The following CPS1 variants were observed in gnomAD, a reference collection of about 807,000 sequenced individuals.
The protein encoded by CPS1 is carbamoyl-phosphate synthase 1.
In CPS1, 109 loss-of-function variants were observed where a neutral mutation model predicts 174.6. That is an observed-to-expected ratio of 0.62 (90% confidence interval 0.53 to 0.73). The LOEUF (loss-of-function observed/expected upper bound fraction) is 0.73, where lower values mean the gene tolerates loss of function less well. Ranked by LOEUF, CPS1 falls within the 30% of genes least tolerant of loss-of-function variation. The probability of loss-of-function intolerance (pLI) is 0.00; values close to 1 mark genes in which losing one functional copy is unlikely to be tolerated. For missense variants in CPS1, 1,689 were observed against 1,821.9 expected (o/e 0.93, Z 1.33); for synonymous variants, 637 against 632.0 (o/e 1.01, Z -0.12).
chr2:210,585,185 T>C (rs7593211), intron 6 of CPS1, among the ~76,000 whole-genome samples: 94,056 of 151,814 alleles, frequency 0.62, 29,978 homozygotes, highest in African/African-American at 0.77. Flanking sequence ...CAGCACTGCC[T>C]ATAGTACCTT....
intron 34 of CPS1, among the ~76,000 whole-genome samples, chr2:210,670,867 A>G (rs1701277915): frequency 6.6e-6 from 1 of 152,230 alleles, no homozygotes; most frequent in South Asian, 2.1e-4. Context: ...TATTCATAAC[A>G]TCAATCTTAT....
chr2:210,664,026 C>A lies in CPS1; in HGVS notation c.4002+829C>A, dbSNP rs866139659. The stretch of plus-strand genomic sequence containing the variant: ...TTTTATATGGTTGCCTGGTTACAAG[C>A]AAGATCTGTGATGAGAAGCCAAGTG... On this transcript the variant is annotated intron_variant, in intron 33 of 37. Coordinates refer to ENST00000233072, the MANE Select transcript of CPS1 (RefSeq NM_001875.5). Among the ~76,000 whole-genome samples the A allele has an allele frequency of 2.6e-5, 4 of 152,146 alleles. No homozygotes were observed. In the South Asian group the frequency reaches 6.2e-4, roughly 24 times the overall value.
intron 1 of CPS1, among the ~76,000 whole-genome samples, chr2:210,562,149 T>A (rs1195225149): frequency 1.3e-5 from 2 of 152,214 alleles, no homozygotes; most frequent in Non-Finnish European, 2.9e-5. Context: ...ATAAATGCTG[T>A]ATTTTATTTA....
chr2:210,555,891 A>T (rs1696898741), upstream of CPS1, among the ~76,000 whole-genome samples: 2 of 152,024 alleles, frequency 1.3e-5, no homozygotes, highest in African/African-American at 2.4e-5. Context: ...TTTAATAACT[A>T]AAAAAACTTG....
At chr2:210,527,663 G>A (rs531416155) in intron 1 of CPS1, among the ~76,000 whole-genome samples, 1 of 151,712 alleles carries the variant, frequency 6.6e-6, no homozygotes, top group South Asian at 2.1e-4. Context: ...ATGTTTACTA[G>A]CATAATATTA....
intron 1 of CPS1, among the ~76,000 whole-genome samples, chr2:210,481,292 C>T (rs1309254391): frequency 1.3e-5 from 2 of 152,196 alleles, no homozygotes; most frequent in Non-Finnish European, 2.9e-5. Flanking sequence ...AGGAGACTTC[C>T]CCCTTTGCTG....
intron 34 of CPS1, among the ~76,000 whole-genome samples, chr2:210,668,819 A>G (rs1701193355): frequency 6.6e-6 from 1 of 152,110 alleles, no homozygotes; most frequent in South Asian, 2.1e-4. Flanking sequence ...CCACTTGAAT[A>G]TCTCAAATCC....
chr2:210,672,448 TAAC>T (rs1229179890), intron 34 of CPS1: 5 of 152,162 alleles, frequency 3.3e-5, no homozygotes, highest in Admixed American at 2.0e-4. Flanking sequence ...TAGGGGTATT[TAAC>T]AACATTTGGA....
intron 1 of CPS1, among the ~76,000 whole-genome samples, chr2:210,572,734 G>C (rs192059598): frequency 1.3e-5 from 2 of 152,154 alleles, no homozygotes; most frequent in Non-Finnish European, 2.9e-5. Flanking sequence ...AGCATTAAGA[G>C]AGTGATAAAG....
upstream of CPS1, among the ~76,000 whole-genome samples, chr2:210,554,737 A>G (rs1319989957): frequency 6.6e-6 from 1 of 151,824 alleles, no homozygotes; most frequent in African/African-American, 2.4e-5. Flanking sequence ...CTAAAACTTA[A>G]AGTATAATAA....
At chr2:210,567,164 T>C (rs1453383394) in intron 1 of CPS1, among the ~76,000 whole-genome samples, 1 of 152,118 alleles carries the variant, frequency 6.6e-6, no homozygotes, top group Admixed American at 6.6e-5. Context: ...CTTTACTTTA[T>C]CCAAATATCA....
intron 1 of CPS1, among the ~76,000 whole-genome samples, chr2:210,484,320 G>T (rs934318171): frequency 1.3e-5 from 2 of 152,180 alleles, no homozygotes; most frequent in African/African-American, 4.8e-5. Flanking sequence ...AGCACAGAGA[G>T]GGGTCAAGGC....
chr2:210,491,098 A>G (rs1021567158), intron 1 of CPS1, among the ~76,000 whole-genome samples: 41 of 152,188 alleles, frequency 2.7e-4, no homozygotes, highest in Admixed American at 2.4e-3. Flanking sequence ...TTGTAAACAA[A>G]TTCTTTTGAA....
intron 18 of CPS1, 81 bp downstream of exon 18, chr2:210,607,022 A>C: frequency 8.0e-7 from 1 of 1,244,298 alleles, no homozygotes; most frequent in Non-Finnish European, 1.2e-6. Context: ...GGAAGACTGT[A>C]CTGCATTTAC....
chr2:210,516,394 C>G (rs1010300231), intron 1 of CPS1, among the ~76,000 whole-genome samples: 3 of 151,836 alleles, frequency 2.0e-5, no homozygotes, highest in African/African-American at 7.2e-5. Flanking sequence ...CTTCTATTTT[C>G]TAACAAACTC....
intron 1 of CPS1, among the ~76,000 whole-genome samples, chr2:210,565,917 C>G (rs1697286991): frequency 6.6e-6 from 1 of 152,148 alleles, no homozygotes; most frequent in Non-Finnish European, 1.5e-5. Flanking sequence ...AGCATGCTCT[C>G]TATTAGGGAT....
At chr2:210,597,202 A>T (rs1698514096) in intron 13 of CPS1, among the ~76,000 whole-genome samples, 1 of 151,716 alleles carries the variant, frequency 6.6e-6, no homozygotes, top group Non-Finnish European at 1.5e-5. Context: ...CTCAGTTGGG[A>T]CTCAATTATT....
At chr2:210,572,881 A>T (rs1040772976) in intron 1 of CPS1, among the ~76,000 whole-genome samples, 1 of 152,026 alleles carries the variant, frequency 6.6e-6, no homozygotes, top group Non-Finnish European at 1.5e-5. Flanking sequence ...TCTCAGAGTG[A>T]TGATGAGCTG....
upstream of CPS1, chr2:210,555,719 A>G (rs1468785622): frequency 2.2e-6 from 1 of 454,602 alleles, no homozygotes; most frequent in Non-Finnish European, 4.4e-6. Context: ...CTGCTGCAGT[A>G]CTTCCTGTTC....
Sources: allele counts gnomAD v4.1 joint callset (sites outside exome capture counted in the v4.1 genomes callset), GRCh38; gene constraint gnomAD v4.1.1; transcripts MANE v1.5; gene names NCBI Gene and HGNC (gene_info 2026-07-23, HGNC 2026-07-21).